TMTC2: variants seen among roughly 807,000 people sequenced by gnomAD.
TMTC2 encodes the protein protein O-mannosyl-transferase TMTC2.
In TMTC2, 43 loss-of-function variants were observed where a neutral mutation model predicts 82.4. The observed-to-expected ratio is 0.52, with a 90% CI of 0.41 to 0.67. The LOEUF (loss-of-function observed/expected upper bound fraction) is 0.67. Ranked by LOEUF, TMTC2 falls within the 30% of genes least tolerant of loss-of-function variation. The pLI is 0.00. For synonymous variants in TMTC2, 408 were observed against 381.9 expected, an observed-to-expected ratio of 1.07 and a Z score of -0.80; for missense variants, 919 against 1,012.4, an observed-to-expected ratio of 0.91 and a Z score of 1.25.
intron 1 of TMTC2, among the ~76,000 whole-genome samples, chr12:82,716,856 A>C (rs1322247888): frequency 6.6e-6 from 1 of 152,220 alleles, no homozygotes; most frequent in East Asian, 1.9e-4. Flanking sequence ...AAATGCTTAT[A>C]AGCCTCTTCT....
At chr12:82,737,532 G>T (rs943729985) in intron 1 of TMTC2, among the ~76,000 whole-genome samples, 2 of 152,146 alleles carry the variant, frequency 1.3e-5, no homozygotes, top group African/African-American at 4.8e-5. Context: ...ATTTAAAATG[G>T]CTGCCATCTT....
At chr12:83,097,413 G>A (rs138461247) in intron 11 of TMTC2, among the ~76,000 whole-genome samples, 1,649 of 152,164 alleles carry the variant, frequency 0.011, 23 homozygotes, top group Admixed American at 0.016. Context: ...CTTTGCTCCC[G>A]GCTTTATTTT....
intron 1 of TMTC2, among the ~76,000 whole-genome samples, chr12:82,810,411 TTTTA>T (rs1028501883): frequency 5.3e-5 from 8 of 149,928 alleles, no homozygotes; most frequent in African/African-American, 1.7e-4. Flanking sequence ...TTTTTATTTT[TTTTA>T]TTATTTTTAA....
At chr12:83,008,479 C>T (rs146921308) in intron 8 of TMTC2, among the ~76,000 whole-genome samples, 176 of 152,278 alleles carry the variant, frequency 1.2e-3, no homozygotes, top group Admixed American at 7.3e-3. Context: ...CCATCAAAGG[C>T]ATTCTTTACT....
intron 11 of TMTC2, among the ~76,000 whole-genome samples, chr12:83,106,441 G>C (rs1429808836): frequency 1.3e-5 from 2 of 149,606 alleles, no homozygotes; most frequent in Non-Finnish European, 3.0e-5. Context: ...GGAGGTTGCA[G>C]TGAGCCGAGA....
At chr12:82,976,459 T>G (rs138751473) in intron 7 of TMTC2, among the ~76,000 whole-genome samples, 4 of 152,254 alleles carry the variant, frequency 2.6e-5, no homozygotes, top group African/African-American at 4.8e-5. Context: ...AACTACACTT[T>G]CAGACTTCAA....
intron 3 of TMTC2, among the ~76,000 whole-genome samples, chr12:82,923,520 T>C (rs1025864753): frequency 6.6e-6 from 1 of 152,116 alleles, no homozygotes; most frequent in South Asian, 2.1e-4. Context: ...TTTTTTTACA[T>C]TTCAAATGAT....
In TMTC2 at chr12:83,094,453, G is replaced by A. The variant is rs1883954738; in HGVS notation, c.2331+32622G>A. Among the ~76,000 whole-genome samples the A allele has an allele frequency of 2.6e-5, 4 of 152,182 alleles. No homozygotes were observed. In the South Asian group the frequency reaches 6.2e-4, roughly 24 times the overall value. On this transcript the variant is annotated intron_variant, in intron 11 of 11. Coordinates refer to ENST00000321196, the MANE Select transcript of TMTC2 (RefSeq NM_152588.3). The stretch of plus-strand genomic sequence containing the variant: ...TGAAGAGGCTAAACCATGCAAATCA[G>A]CGGCGAGATTATCAAAAGCCCCACC...
At chr12:82,868,764 C>T (rs1053839204) in intron 2 of TMTC2, among the ~76,000 whole-genome samples, 11 of 150,452 alleles carry the variant, frequency 7.3e-5, no homozygotes, top group Non-Finnish European at 1.5e-4. Context: ...TCTTCCCCAA[C>T]CTGGCAGGCA....
intron 11 of TMTC2, among the ~76,000 whole-genome samples, chr12:83,082,080 G>A (rs1463313138): frequency 6.6e-6 from 1 of 152,024 alleles, no homozygotes; most frequent in Non-Finnish European, 1.5e-5. Flanking sequence ...TTTACTTTTA[G>A]CCCTTAATAT....
chr12:82,919,369 A>C (rs928696483), intron 3 of TMTC2, among the ~76,000 whole-genome samples: 1 of 152,182 alleles, frequency 6.6e-6, no homozygotes, highest in Admixed American at 6.5e-5. Flanking sequence ...AGTTTACAGC[A>C]TGCTGAGTTT....
chr12:83,097,893 T>TGA (rs1258060799), intron 11 of TMTC2, among the ~76,000 whole-genome samples: 1 of 151,978 alleles, frequency 6.6e-6, no homozygotes, highest in Admixed American at 6.6e-5. Flanking sequence ...AAGTAGCATA[T>TGA]GAGAGAGAGA....
intron 4 of TMTC2, among the ~76,000 whole-genome samples, chr12:82,958,465 T>C (rs1244604809): frequency 6.6e-6 from 1 of 151,364 alleles, no homozygotes; most frequent in African/African-American, 2.4e-5. Context: ...GTGCAGTACA[T>C]TAAAAAGGTA....
chr12:82,920,572 A>G (rs1015874022), intron 3 of TMTC2, among the ~76,000 whole-genome samples: 1 of 152,210 alleles, frequency 6.6e-6, no homozygotes, highest in Non-Finnish European at 1.5e-5. Flanking sequence ...GAGGTAGTTT[A>G]GTTTAATATC....
chr12:82,815,578 C>T (rs1010287423), intron 1 of TMTC2, among the ~76,000 whole-genome samples: 2 of 152,060 alleles, frequency 1.3e-5, no homozygotes, highest in African/African-American at 4.8e-5. Context: ...TCCCAAAGTG[C>T]TGGGATTACA....
chr12:82,772,774 A>G (rs1383824368), intron 1 of TMTC2, among the ~76,000 whole-genome samples: 5 of 152,158 alleles, frequency 3.3e-5, no homozygotes, highest in Non-Finnish European at 5.9e-5. Context: ...TACTTTCCCA[A>G]GAAAATTCTG....
intron 1 of TMTC2, among the ~76,000 whole-genome samples, chr12:82,853,666 A>C (rs1390874989): frequency 6.6e-6 from 1 of 152,208 alleles, no homozygotes; most frequent in Non-Finnish European, 1.5e-5. Flanking sequence ...ATGATTCTTC[A>C]TTCTTTGGGA....
intron 1 of TMTC2, among the ~76,000 whole-genome samples, chr12:82,828,965 G>C (rs751481215): frequency 1.3e-5 from 2 of 152,074 alleles, no homozygotes; most frequent in African/African-American, 4.8e-5. Context: ...AATGGAAAAG[G>C]TAATTTGACA....
intron 1 of TMTC2, among the ~76,000 whole-genome samples, chr12:82,699,546 C>T (rs757796314): frequency 4.6e-5 from 7 of 152,104 alleles, no homozygotes; most frequent in African/African-American, 9.7e-5. Flanking sequence ...GTAGTTCTGG[C>T]AGTGTGGCGA....
Sources: gnomAD v4.1 joint callset for allele counts (sites outside exome capture counted in the v4.1 genomes callset) on GRCh38, gnomAD v4.1.1 for gene constraint, MANE v1.5 for transcripts, NCBI Gene and HGNC (gene_info 2026-07-23, HGNC 2026-07-21) for gene names.